NEB: variants seen among roughly 807,000 people sequenced by gnomAD.
NEB encodes the protein nemaline myopathy type 2.
A neutral mutation model predicts 952.2 loss-of-function variants in NEB; 512 were observed. That is an observed-to-expected ratio of 0.54 (90% CI 0.50 to 0.58). The LOEUF is 0.58. Among genes scored for constraint, NEB ranks in the 20% least tolerant of loss-of-function variants. The probability of loss-of-function intolerance (pLI) is 0.00; values close to 1 mark genes in which losing one functional copy is unlikely to be tolerated. For missense variants in NEB, 8,428 were observed against 9,231.1 expected (o/e 0.91, Z 3.56); for synonymous variants, 2,900 against 3,149.8 (o/e 0.92, Z 2.66).
intron 168 of NEB, among the ~76,000 whole-genome samples, chr2:151,500,900 C>CAAAT (rs2063981840): frequency 6.6e-6 from 1 of 151,974 alleles, no homozygotes; most frequent in African/African-American, 2.4e-5. Flanking sequence ...CGCCTGGCCC[C>CAAAT]AAATAAGATT....
rs183154251 is a variant in NEB, at chr2:151,508,457, G to A, written c.23347-348C>T. Among the ~76,000 whole-genome samples, 18 of 152,330 alleles carry A rather than the reference G, an allele frequency of 1.2e-4. No homozygotes were observed. In the South Asian group the frequency reaches 1.9e-3, roughly 16 times the overall value. ...GATGCCTCCAGTGGCAGTAGTCCTC[G>A]CTGGGCTGGATGAAGCTATGTAGCC... is the stretch of plus-strand genomic sequence containing the variant. On this transcript the variant is annotated intron_variant, in intron 161 of 181. Coordinates refer to ENST00000397345, the MANE Select transcript of NEB (RefSeq NM_001164508.2).
intron 52 of NEB, among the ~76,000 whole-genome samples, chr2:151,652,150 A>G (rs1164486845): frequency 6.6e-6 from 1 of 152,216 alleles, no homozygotes; most frequent in Non-Finnish European, 1.5e-5. Context: ...AGGCAAAAAT[A>G]AGAAGGTATA....
At position 151,492,509 on chromosome 2, in the gene NEB, A is replaced by T; in HGVS notation, c.24766-15T>A. 6.4e-7 allele frequency: 1 copy of T among 1,568,286 alleles called. No homozygotes were observed. The highest frequency in any genetic ancestry group is 8.8e-7 in the Non-Finnish European group (1 of 1,140,378). On this transcript the variant is annotated splice_polypyrimidine_tract_variant and intron_variant, in intron 176 of 181. Coordinates refer to ENST00000397345, the MANE Select transcript of NEB (RefSeq NM_001164508.2). ...GAATAAAGAACCTGATGCAGGAGAG[A>T]CCGTGAATGAGTGGTGCTGTCCTAA...
At chr2:151,731,348 G>A (rs2151072809) in intron 3 of NEB, among the ~76,000 whole-genome samples, 1 of 152,222 alleles carries the variant, frequency 6.6e-6, no homozygotes, top group East Asian at 1.9e-4. Flanking sequence ...TTCTTTTCAA[G>A]TTTAAGTTAG....
intron 179 of NEB, 86 bp downstream of exon 179, chr2:151,491,597 G>A: frequency 8.8e-7 from 1 of 1,139,246 alleles, no homozygotes; most frequent in South Asian, 1.3e-5. Flanking sequence ...CTGGAGGGAA[G>A]GAACTTCAGA....
intron 30 of NEB, 33 bp from the exon 31 acceptor site, chr2:151,680,055 T>C: frequency 2.1e-6 from 3 of 1,453,826 alleles, no homozygotes; most frequent in Middle Eastern, 1.8e-4. Flanking sequence ...AACAAACAAA[T>C]AAAGTAGAAA....
At chr2:151,713,382 G>A (rs1326605641) in intron 10 of NEB, among the ~76,000 whole-genome samples, 1 of 152,136 alleles carries the variant, frequency 6.6e-6, no homozygotes, top group African/African-American at 2.4e-5. Context: ...TCCACAGTGG[G>A]CCTAACACTG....
In NEB at chr2:151,644,034, C is replaced by T. The variant is rs2098921464; in HGVS notation, c.7740G>A (p.Val2580=). ...ACTCCCTGTCACTCTGGATCTTGGCCACATGCATGGACCACATCATCTTGG... is the reference window on the plus strand; with the variant it reads ...ACTCCCTGTCACTCTGGATCTTGGCTACATGCATGGACCACATCATCTTGG... ...DDPKMMWSMH[V]AKIQSDREYK... is the part of the protein sequence containing the mutation. The change falls in exon 57 of 182, where the codon GTG becomes GTA. Residue 2580 remains valine (V), a synonymous_variant. Transcript: ENST00000397345. 6.2e-7 allele frequency: 1 copy of T among 1,613,942 alleles called. No homozygotes were observed. The highest frequency in any genetic ancestry group is 8.5e-7 in the Non-Finnish European group (1 of 1,179,888).
intron 48 of NEB, among the ~76,000 whole-genome samples, 167 bp downstream of exon 48, chr2:151,657,816 T>C (rs2099103009): frequency 6.6e-6 from 1 of 152,172 alleles, no homozygotes; most frequent in Non-Finnish European, 1.5e-5. Flanking sequence ...GCTTGGTGTT[T>C]TTTCAGAAAT....
chr2:151,574,985 T>C (rs1317329788), intron 107 of NEB, among the ~76,000 whole-genome samples: 1 of 152,132 alleles, frequency 6.6e-6, no homozygotes, highest in Non-Finnish European at 1.5e-5. Context: ...AGCAATCCTC[T>C]GGCCTTGACC....
intron 141 of NEB, among the ~76,000 whole-genome samples, chr2:151,536,264 C>T (rs748144272): frequency 1.3e-5 from 2 of 152,198 alleles, no homozygotes; most frequent in Non-Finnish European, 2.9e-5. Context: ...AAGGGTAGAA[C>T]TGCCTAGATG....
In NEB at chr2:151,667,879, A is replaced by G; in HGVS notation, c.4644T>C (p.Ile1548=). 3 of 1,612,518 alleles carry G rather than the reference A, an allele frequency of 1.9e-6. No homozygotes were observed. The highest frequency in any genetic ancestry group is 1.7e-6 in the Non-Finnish European group (2 of 1,178,804). The change falls in exon 40 of 182, where the codon ATT becomes ATC. Residue 1548 remains isoleucine (I), a synonymous_variant. Transcript: ENST00000397345. The part of the protein sequence containing the change: ...AHYKADWKKT[I]AKGYDLRPDA... ...CTGGTCTCAAATCATAGCCCTTGGC[A>G]ATGGTTTTCTTCCAATCTGCTTTAT...
rs1240085511 is a variant in NEB at position 151,553,721 on chromosome 2, G to T, written c.19626+107C>A. ...GTTGGACAAATGGACATATAGGGAAGAGATAGTGGAAAAAGGCTAAGGTAA... is the reference window on the plus strand; with the variant it reads ...GTTGGACAAATGGACATATAGGGAATAGATAGTGGAAAAAGGCTAAGGTAA... On this transcript the variant is annotated intron_variant, in intron 126 of 181. Coordinates refer to ENST00000397345, the MANE Select transcript of NEB (RefSeq NM_001164508.2). The T allele has an allele frequency of 6.2e-6, 7 of 1,123,930 alleles. No homozygotes were observed. In the African/African-American group the frequency reaches 6.3e-5, roughly 10 times the overall value. The allele number at this position is 1,123,930 out of a possible 1,614,324, so 69.6% of individuals were successfully genotyped here. A position where few individuals can be genotyped will look rare whatever the true frequency, so the allele number is the denominator to read the frequency against.
chr2:151,578,996 G>T (rs1273564881), intron 105 of NEB, among the ~76,000 whole-genome samples: 1 of 146,724 alleles, frequency 6.8e-6, no homozygotes, highest in African/African-American at 2.5e-5. Flanking sequence ...CAGGAACATC[G>T]CTTGAACCTG....
Position 151,641,145 on chromosome 2 carries a change from T to C in NEB, c.8374-479A>G, listed in dbSNP as rs181805354. The stretch of plus-strand genomic sequence containing the variant: ...CCTGCAAAGAATGTCTGTATATTTA[T>C]ACACACAGAAAAAAAAGAAAAATTA... On this transcript the variant is annotated intron_variant, in intron 60 of 181. Transcript: ENST00000397345. Among the ~76,000 whole-genome samples, 367 of 152,284 alleles carry C rather than the reference T, an allele frequency of 2.4e-3. 4 individuals carry two copies. The highest frequency in any genetic ancestry group is 8.6e-3 in the African/African-American group (357 of 41,558).
At position 151,723,493 on chromosome 2, in the gene NEB, C is replaced by CA. The variant is rs757844100; in HGVS notation, c.613-8dup. On this transcript the variant is annotated splice_region_variant and splice_polypyrimidine_tract_variant and intron_variant, in intron 8 of 181. Coordinates refer to ENST00000397345, the MANE Select transcript of NEB (RefSeq NM_001164508.2). ...AGTCTTCAGTGTACAGTTTCTAAAT[C>CA]AAAAAAGAGTGAAAAGTTAGGAGGA... The CA allele has an allele frequency of 1.3e-5, 20 of 1,587,824 alleles. No homozygotes were observed. The highest frequency in any genetic ancestry group is 1.7e-5 in the Non-Finnish European group (20 of 1,163,494).
rs914249897 is a variant in NEB, at chr2:151,514,257, T to A, written c.23127+61A>T. 3.3e-6 allele frequency: 4 copies of A among 1,201,968 alleles called. No homozygotes were observed. The Admixed American group carries it at 7.3e-5, about 22-fold the overall frequency. The allele number at this position is 1,201,968 out of a possible 1,614,324, so 74.5% of individuals were successfully genotyped here. On this transcript the variant is annotated intron_variant, in intron 159 of 181. Transcript: ENST00000397345. The stretch of plus-strand genomic sequence containing the variant: ...TTTTGTTTTGCTTTTTCTGGTGTAA[T>A]TTGGCTAACAAAGAAATGATGCTGT...
chr2:151,650,076 G>A, intron 54 of NEB, 100 bp downstream of exon 54: 1 of 1,064,922 alleles, frequency 9.4e-7, no homozygotes, highest in Non-Finnish European at 1.4e-6. Context: ...TGATGTATGA[G>A]GCAATGCTTT....
rs181990605 is a variant in NEB at position 151,575,228 on chromosome 2, C to T, written c.17013+467G>A. 2.0e-3 allele frequency among the ~76,000 whole-genome samples: 302 copies of T among 152,062 alleles called. 2 individuals carry two copies. The highest frequency in any genetic ancestry group is 7.1e-3 in the African/African-American group (294 of 41,474). ...TCTCCTTAATTTCTTAATTAAGAAA[C>T]CTCTTAATTTCTTGCTGTATGTTTT... On this transcript the variant is annotated intron_variant, in intron 107 of 181. Coordinates refer to ENST00000397345, the MANE Select transcript of NEB (RefSeq NM_001164508.2).
Sources: gnomAD v4.1 joint callset for allele counts (sites outside exome capture counted in the v4.1 genomes callset) on GRCh38, gnomAD v4.1.1 for gene constraint, MANE v1.5 for transcripts, NCBI Gene and HGNC (gene_info 2026-07-23, HGNC 2026-07-21) for gene names.